TECRL: variants seen among roughly 807,000 people sequenced by gnomAD.
TECRL encodes trans-2,3-enoyl-CoA reductase-like.
In TECRL, 63 loss-of-function variants were observed where a neutral mutation model predicts 52.8. The ratio of observed to expected loss-of-function variants is 1.19; its 90% CI spans 0.97 to 1.47. TECRL has a LOEUF of 1.47. TECRL is among the 40% of genes most tolerant of loss of function. The pLI, the probability that TECRL is intolerant of heterozygous loss-of-function variation, is 0.00. For missense variants in TECRL, 482 were observed against 429.6 expected (o/e 1.12, Z -1.08); for synonymous variants, 164 against 141.9 (o/e 1.16, Z -1.10).
intron 3 of TECRL, among the ~76,000 whole-genome samples, chr4:64,325,903 G>A (rs1384723): frequency 0.61 from 93,213 of 151,926 alleles, 31,914 homozygotes; most frequent in Non-Finnish European, 0.76. Context: ...TAATCATAGC[G>A]TTCAGACTCA....
chr4:64,398,181 G>A (rs1282618348), intron 1 of TECRL, among the ~76,000 whole-genome samples: 2 of 151,860 alleles, frequency 1.3e-5, no homozygotes, highest in African/African-American at 4.8e-5. Flanking sequence ...TTTATTCAAG[G>A]CTCTGTGCCA....
rs1005256335 is a variant in TECRL at position 64,355,594 on chromosome 4, C to A, written c.286+19578G>T. ...TGGGCAGATGACGATGTCAGGAGAT[C>A]GAGACCATCCTGGCGAACACAGTGA... On this transcript the variant is annotated intron_variant, in intron 2 of 11. Coordinates refer to ENST00000381210, the MANE Select transcript of TECRL (RefSeq NM_001010874.5). Among the ~76,000 whole-genome samples, 15 of 151,766 alleles carry A rather than the reference C, an allele frequency of 9.9e-5. No homozygotes were observed. The South Asian group carries it at 3.1e-3, about 32-fold the overall frequency.
chr4:64,387,622 C>A (rs1371382934), intron 1 of TECRL, among the ~76,000 whole-genome samples: 2 of 152,032 alleles, frequency 1.3e-5, no homozygotes, highest in African/African-American at 4.8e-5. Flanking sequence ...AGTAATATCG[C>A]ATTATCATTT....
chr4:64,302,374 G>A (rs1343923596), intron 7 of TECRL, among the ~76,000 whole-genome samples: 3 of 151,222 alleles, frequency 2.0e-5, no homozygotes, highest in African/African-American at 4.8e-5. Flanking sequence ...GTGGGAAAAA[G>A]ACCAGTTAGC....
rs1459578147 is a variant in TECRL, at chr4:64,305,164, A to G, written c.730+2T>C. The stretch of plus-strand genomic sequence containing the variant: ...GGTTAGTTAAGAAGAAACCCTACAT[A>G]CATGGTGGTGTATATAGTGGATGAT... On this transcript the variant is annotated splice_donor_variant, in intron 7 of 11. Transcript: ENST00000381210. LOFTEE classifies it high-confidence loss of function. The G allele has an allele frequency of 6.2e-7, 1 of 1,607,948 alleles. No individual in the cohort carries two copies. The highest frequency in any genetic ancestry group is 8.5e-7 in the Non-Finnish European group (1 of 1,176,142).
At chr4:64,387,866 T>C (rs1723284619) in intron 1 of TECRL, among the ~76,000 whole-genome samples, 1 of 151,960 alleles carries the variant, frequency 6.6e-6, no homozygotes, top group Non-Finnish European at 1.5e-5. Flanking sequence ...ACAAGTATGA[T>C]AAATTTTAAG....
intron 2 of TECRL, among the ~76,000 whole-genome samples, chr4:64,338,475 T>C (rs1231692224): frequency 6.6e-6 from 1 of 152,094 alleles, no homozygotes; most frequent in Non-Finnish European, 1.5e-5. Flanking sequence ...CAAAATAAAC[T>C]ACCATCAGAG....
At chr4:64,300,063 G>T (rs755307657) in intron 7 of TECRL, 46 bp from the exon 8 acceptor site, 3 of 1,442,678 alleles carry the variant, frequency 2.1e-6, no homozygotes, top group Non-Finnish European at 2.8e-6. Context: ...TCATAGTTTG[G>T]ATTGTCAAAT....
chr4:64,376,908 G>A (rs1316748780), intron 1 of TECRL, among the ~76,000 whole-genome samples: 1 of 151,924 alleles, frequency 6.6e-6, no homozygotes, highest in Non-Finnish European at 1.5e-5. Context: ...AACTTTTGTA[G>A]AAGTCAAAAA....
chr4:64,317,393 C>T (rs1045351045), intron 4 of TECRL, among the ~76,000 whole-genome samples: 6 of 151,214 alleles, frequency 4.0e-5, no homozygotes, highest in African/African-American at 1.5e-4. Flanking sequence ...TAATGCATTT[C>T]GTTTTATCTT....
intron 1 of TECRL, among the ~76,000 whole-genome samples, chr4:64,387,060 C>T (rs1443700020): frequency 6.6e-6 from 1 of 152,156 alleles, no homozygotes; most frequent in Non-Finnish European, 1.5e-5. Context: ...TTTCACTGCA[C>T]TAAAAATCCT....
chr4:64,347,902 T>C (rs1052337241), intron 2 of TECRL, among the ~76,000 whole-genome samples: 1 of 152,096 alleles, frequency 6.6e-6, no homozygotes, highest in African/African-American at 2.4e-5. Context: ...TTTCCAACAG[T>C]CCTCTGGCAT....
chr4:64,344,749 AC>A, intron 2 of TECRL, among the ~76,000 whole-genome samples: 1 of 152,340 alleles, frequency 6.6e-6, no homozygotes, highest in South Asian at 2.1e-4. Flanking sequence ...AAACAGAAAA[AC>A]AAAATGACAA....
At chr4:64,391,921 C>T (rs910057320) in intron 1 of TECRL, among the ~76,000 whole-genome samples, 40 of 151,846 alleles carry the variant, frequency 2.6e-4, no homozygotes, top group Admixed American at 2.4e-3. Context: ...AATAAACTGA[C>T]AAAATCAAGA....
intron 6 of TECRL, among the ~76,000 whole-genome samples, chr4:64,309,301 TGA>T (rs995046503): frequency 5.9e-5 from 9 of 152,166 alleles, no homozygotes; most frequent in African/African-American, 1.9e-4. Context: ...AATTGAAAAT[TGA>T]GTTTCAACAT....
intron 7 of TECRL, among the ~76,000 whole-genome samples, chr4:64,300,369 A>C (rs1723946321): frequency 6.6e-6 from 1 of 150,932 alleles, no homozygotes; most frequent in South Asian, 2.1e-4. Flanking sequence ...TTTAATGTTT[A>C]ACAATAAAAA....
intron 2 of TECRL, among the ~76,000 whole-genome samples, chr4:64,340,303 C>T (rs972346186): frequency 4.6e-5 from 7 of 152,328 alleles, no homozygotes; most frequent in African/African-American, 1.2e-4. Flanking sequence ...ATCACCCCAC[C>T]GAACACAGCT....
chr4:64,345,580 T>C (rs1314661836), intron 2 of TECRL, among the ~76,000 whole-genome samples: 1 of 147,498 alleles, frequency 6.8e-6, no homozygotes, highest in East Asian at 2.1e-4. Context: ...GGGATAGCAT[T>C]AGGAGATATA....
chr4:64,289,644 T>G (rs1476422000), intron 9 of TECRL, 66 bp downstream of exon 9: 9 of 1,208,286 alleles, frequency 7.4e-6, no homozygotes, highest in Admixed American at 6.5e-5. Flanking sequence ...TTTTTTGAAG[T>G]AAGATTATAA....
Sources: allele counts gnomAD v4.1 joint callset (sites outside exome capture counted in the v4.1 genomes callset), GRCh38; gene constraint gnomAD v4.1.1; transcripts MANE v1.5; gene names NCBI Gene and HGNC (gene_info 2026-07-23, HGNC 2026-07-21).